The following ENPP6 variants were observed in gnomAD, a reference collection of about 807,000 sequenced individuals.
ENPP6 encodes the protein glycerophosphocholine cholinephosphodiesterase ENPP6.
A neutral mutation model predicts 42.0 loss-of-function variants in ENPP6; 32 were observed. That is an observed-to-expected ratio of 0.76 (90% confidence interval 0.58 to 1.02). The LOEUF (loss-of-function observed/expected upper bound fraction) is 1.02, where lower values mean the gene tolerates loss of function less well. ENPP6 is among the 50% of genes least tolerant of loss of function. The pLI is 0.00. For missense variants in ENPP6, 552 were observed against 566.8 expected (o/e 0.97, Z 0.27); for synonymous variants, 213 against 216.0 (o/e 0.99, Z 0.12).
In ENPP6 at chr4:184,112,805, T is replaced by C. The variant is rs141497036; in HGVS notation, c.860A>G (p.Tyr287Cys). ...WPAPGKHSEIYNKLSTVEHMT... is the reference protein window; with the variant it reads ...WPAPGKHSEICNKLSTVEHMT... Reference sequence around the variant, plus strand: ...GTGTTCCACTGTGCTCAGTTTGTTATATATCTGCAAAGAAAATCAAGAGTG... The same window carrying C: ...GTGTTCCACTGTGCTCAGTTTGTTACATATCTGCAAAGAAAATCAAGAGTG... Residue 287 changes from tyrosine (Y) to cysteine (C), a missense_variant, in exon 6 of 8, where the codon TAT becomes TGT. Around this residue, in one of 2 missense-constraint regions of ENPP6, gnomAD observed 545 missense variants for 546.3 expected, o/e 1.00. Coordinates refer to ENST00000296741, the MANE Select transcript of ENPP6 (RefSeq NM_153343.4). 4.3e-6 allele frequency: 7 copies of C among 1,612,340 alleles called. No individual in the cohort carries two copies. Among genetic ancestry groups the C allele is most frequent in the African/African-American group, 2.7e-5 (2 of 74,846 alleles).
At chr4:184,131,944 T>A (rs1210781995) in intron 2 of ENPP6, among the ~76,000 whole-genome samples, 1 of 141,906 alleles carries the variant, frequency 7.0e-6, no homozygotes, top group Non-Finnish European at 1.5e-5. Flanking sequence ...TGGTTGTAAT[T>A]CAGTCCTAAT....
At chr4:184,191,015 A>G (rs1048014301) in intron 1 of ENPP6, among the ~76,000 whole-genome samples, 3 of 152,184 alleles carry the variant, frequency 2.0e-5, no homozygotes, top group Admixed American at 6.6e-5. Flanking sequence ...GAAGCCTGGA[A>G]AGGCAGTGGC....
At chr4:184,153,002 A>G (rs115955280) in intron 2 of ENPP6, among the ~76,000 whole-genome samples, 1,875 of 152,258 alleles carry the variant, frequency 0.012, 20 homozygotes, top group South Asian at 0.063. Context: ...CACATGAAAA[A>G]AAGCAAGCTA....
chr4:184,146,387 G>A (rs1579634370), intron 2 of ENPP6, among the ~76,000 whole-genome samples: 3 of 150,186 alleles, frequency 2.0e-5, no homozygotes, highest in East Asian at 2.0e-4. Flanking sequence ...CTGAGATTGC[G>A]CCACTGCACT....
intron 2 of ENPP6, among the ~76,000 whole-genome samples, chr4:184,125,967 C>A (rs917091039): frequency 6.6e-6 from 1 of 152,250 alleles, no homozygotes; most frequent in Non-Finnish European, 1.5e-5. Context: ...ACCTTGTGCT[C>A]AGTGCCAGAA....
intron 1 of ENPP6, among the ~76,000 whole-genome samples, chr4:184,162,706 C>A (rs6552757): frequency 0.083 from 12,666 of 152,172 alleles, 1,378 homozygotes; most frequent in African/African-American, 0.25. Flanking sequence ...CTATTCCCCA[C>A]ACTCAGAGTT....
Position 184,116,948 on chromosome 4 carries a change from G to T in ENPP6, c.763C>A (p.Leu255Met), listed in dbSNP as rs1270246872. Reference sequence around the variant, plus strand: ...TCATTCAGGCTGATGTACTTATTCAGCTCAATCACTTTGTCCATCCAGAAA... The same window carrying T: ...TCATTCAGGCTGATGTACTTATTCATCTCAATCACTTTGTCCATCCAGAAA... ...DIFWMDKVIE[L>M]NKYISLNDLQ... Residue 255 changes from leucine to methionine, a missense_variant, in exon 5 of 8, where the codon CTG becomes ATG. Coordinates refer to ENST00000296741, the MANE Select transcript of ENPP6 (RefSeq NM_153343.4). The T allele has an allele frequency of 6.2e-7, 1 of 1,614,184 alleles. No homozygotes were observed. Among genetic ancestry groups the T allele is most frequent in the South Asian group, 1.1e-5 (1 of 91,080 alleles).
chr4:184,117,143 G>T, intron 4 of ENPP6, 108 bp from the exon 5 acceptor site: 1 of 1,330,092 alleles, frequency 7.5e-7, no homozygotes, highest in Non-Finnish European at 1.0e-6. Flanking sequence ...CCTCAGTTCT[G>T]TGTTTAATCT....
At chr4:184,106,099 G>A (rs765785971) in intron 6 of ENPP6, among the ~76,000 whole-genome samples, 17 of 150,946 alleles carry the variant, frequency 1.1e-4, no homozygotes, top group Non-Finnish European at 1.6e-4. Flanking sequence ...CAGTGGCGCA[G>A]TCTTGGCTCC....
intron 1 of ENPP6, among the ~76,000 whole-genome samples, chr4:184,162,688 G>A (rs902898392): frequency 1.3e-5 from 2 of 152,280 alleles, no homozygotes; most frequent in South Asian, 2.1e-4. Flanking sequence ...GTAAAATGTG[G>A]CATTTTGCTA....
intron 1 of ENPP6, among the ~76,000 whole-genome samples, chr4:184,214,914 G>A (rs1338179300): frequency 6.6e-6 from 1 of 152,140 alleles, no homozygotes; most frequent in Non-Finnish European, 1.5e-5. Context: ...CGAGTTGACA[G>A]GTGCAGCAAA....
At chr4:184,205,086 C>A (rs997876290) in intron 1 of ENPP6, among the ~76,000 whole-genome samples, 1 of 152,070 alleles carries the variant, frequency 6.6e-6, no homozygotes, top group Non-Finnish European at 1.5e-5. Context: ...CCCACCACTA[C>A]AACCAGCTAA....
chr4:184,173,219 A>C (rs1737502609), intron 1 of ENPP6, among the ~76,000 whole-genome samples: 1 of 152,140 alleles, frequency 6.6e-6, no homozygotes, highest in Admixed American at 6.6e-5. Flanking sequence ...GAGGGTTTTA[A>C]AAGTGTTCAT....
chr4:184,207,004 G>A (rs922088477), intron 1 of ENPP6, among the ~76,000 whole-genome samples: 5 of 152,238 alleles, frequency 3.3e-5, no homozygotes, highest in African/African-American at 1.2e-4. Flanking sequence ...ATGCCTACTC[G>A]CCTAGGCGCT....
At position 184,124,232 on chromosome 4, in the gene ENPP6, G is replaced by A; in HGVS notation, c.462C>T (p.Cys154=). 6.2e-7 allele frequency: 1 copy of A among 1,613,996 alleles called. No individual in the cohort carries two copies. The highest frequency in any genetic ancestry group is 1.1e-5 in the South Asian group (1 of 91,066). ...CCGTTGGGACATTTTTATATTCTAG[G>A]CAGTAGGTGGGTCTGACACCCAGAA... is the stretch of plus-strand genomic sequence containing the variant. ...VEILGVRPTY[C]LEYKNVPTDI... Residue 154 remains cysteine, a synonymous_variant, in exon 3 of 8, where the codon TGC becomes TGT. Coordinates refer to ENST00000296741, the MANE Select transcript of ENPP6 (RefSeq NM_153343.4).
intron 1 of ENPP6, among the ~76,000 whole-genome samples, chr4:184,154,365 C>A (rs556498096): frequency 6.6e-6 from 1 of 152,184 alleles, no homozygotes; most frequent in Non-Finnish European, 1.5e-5. Context: ...AAGTGAGAGA[C>A]GCAAACGCTT....
At chr4:184,182,473 T>C (rs56072941) in intron 1 of ENPP6, among the ~76,000 whole-genome samples, 28,614 of 152,078 alleles carry the variant, frequency 0.19, 5,316 homozygotes, top group African/African-American at 0.48. Flanking sequence ...AGACCTAGAA[T>C]CAGAAATACC....
intron 1 of ENPP6, among the ~76,000 whole-genome samples, chr4:184,207,311 A>C (rs1052848729): frequency 3.9e-5 from 6 of 152,246 alleles, no homozygotes; most frequent in African/African-American, 1.4e-4. Flanking sequence ...AATTGCAAAC[A>C]AATGTTACCA....
intron 3 of ENPP6, among the ~76,000 whole-genome samples, chr4:184,123,323 G>A (rs868596591): frequency 1.3e-5 from 2 of 152,010 alleles, no homozygotes; most frequent in African/African-American, 4.8e-5. Flanking sequence ...GTTGGTTCTC[G>A]GATATGCCCA....
Sources: allele counts gnomAD v4.1 joint callset (sites outside exome capture counted in the v4.1 genomes callset), GRCh38; gene constraint gnomAD v4.1.1; regional missense constraint gnomAD v4.1.1; transcripts MANE v1.5; gene names NCBI Gene and HGNC (gene_info 2026-07-23, HGNC 2026-07-21).